The following BAALC variants were observed in gnomAD, a reference collection of about 807,000 sequenced individuals.
BAALC encodes the protein BAALC binder of MAP3K1 and KLF4.
A neutral mutation model predicts 15.5 loss-of-function variants in BAALC; 9 were observed. The observed-to-expected ratio is 0.58, with a 90% confidence interval of 0.35 to 1.02. The LOEUF (loss-of-function observed/expected upper bound fraction) is 1.02, where lower values mean the gene tolerates loss of function less well. Among genes scored for constraint, BAALC ranks in the 50% least tolerant of loss-of-function variants. BAALC has a pLI of 0.02. For missense variants in BAALC, 201 were observed against 192.4 expected, an observed-to-expected ratio of 1.04 and a Z score of -0.27; for synonymous variants, 80 against 74.6, an observed-to-expected ratio of 1.07 and a Z score of -0.37.
In BAALC at chr8:103,142,219, C is replaced by CT. The variant is rs1440577823; in HGVS notation, c.160+1163dup. Among the ~76,000 whole-genome samples, 8 of 152,376 alleles carry CT rather than the reference C, an allele frequency of 5.3e-5. No individual in the cohort carries two copies. In the East Asian group the frequency reaches 1.5e-3, roughly 29 times the overall value. The stretch of plus-strand genomic sequence containing the variant: ...TTAAATCCATGCCTACTAAATAGAG[C>CT]TGTCACTTTAATCAAGAATAGGTTT... On this transcript the variant is annotated intron_variant, in intron 1 of 2. Transcript: ENST00000309982.
rs150588955 is a variant in BAALC, at chr8:103,196,277, GTTGTTA to G, written c.161-16634_161-16629del. Among the ~76,000 whole-genome samples the G allele has an allele frequency of 8.6e-3, 1,304 of 152,096 alleles. 15 individuals carry two copies. The highest frequency in any genetic ancestry group is 0.03 in the African/African-American group (1,243 of 41,488). Reference sequence around the variant, plus strand: ...GATCACATTTGTAGTTTTTGTTTTTGTTGTTATTGTTATCGTTTTTTGAGACAGGGT... The same window carrying G: ...GATCACATTTGTAGTTTTTGTTTTTGTTGTTATCGTTTTTTGAGACAGGGT... On this transcript the variant is annotated intron_variant, in intron 1 of 2. Transcript: ENST00000309982.
At chr8:103,186,290 C>T (rs1291068261) in intron 1 of BAALC, among the ~76,000 whole-genome samples, 1 of 152,168 alleles carries the variant, frequency 6.6e-6, no homozygotes, top group East Asian at 1.9e-4. Context: ...CACAATCATC[C>T]TGCGAGGAGG....
chr8:103,195,825 C>G (rs1400287435), intron 1 of BAALC, among the ~76,000 whole-genome samples: 1 of 152,190 alleles, frequency 6.6e-6, no homozygotes, highest in African/African-American at 2.4e-5. Flanking sequence ...AAGACTCTTT[C>G]AACAAATATT....
intron 1 of BAALC, among the ~76,000 whole-genome samples, chr8:103,174,177 C>T (rs1811557696): frequency 6.6e-6 from 1 of 151,844 alleles, no homozygotes; most frequent in Non-Finnish European, 1.5e-5. Flanking sequence ...CTGCCGGCCT[C>T]CCCCATCAAG....
intron 1 of BAALC, among the ~76,000 whole-genome samples, chr8:103,195,043 G>A (rs1200854156): frequency 1.3e-5 from 2 of 152,110 alleles, no homozygotes; most frequent in East Asian, 1.9e-4. Context: ...TGAAAAGGAG[G>A]TGCATTTTTG....
chr8:103,219,339 C>T (rs1045203098), intron 2 of BAALC: 5 of 152,286 alleles, frequency 3.3e-5, no homozygotes, highest in Admixed American at 2.6e-4. Context: ...TGTTGATTAA[C>T]TGAGACAGCC....
At chr8:103,148,307 G>A (rs1312096409) in intron 1 of BAALC, among the ~76,000 whole-genome samples, 2 of 152,196 alleles carry the variant, frequency 1.3e-5, no homozygotes, top group Non-Finnish European at 2.9e-5. Context: ...GAAAACCACT[G>A]GAAGCTCAGA....
chr8:103,223,099 T>C (rs1187612758), intron 2 of BAALC, among the ~76,000 whole-genome samples: 2 of 152,126 alleles, frequency 1.3e-5, no homozygotes, highest in African/African-American at 4.8e-5. Flanking sequence ...GACCACAAGG[T>C]CAGGAGTTCG....
chr8:103,179,980 C>T (rs539513109), intron 1 of BAALC, among the ~76,000 whole-genome samples: 4 of 152,228 alleles, frequency 2.6e-5, no homozygotes, highest in South Asian at 2.1e-4. Flanking sequence ...TTGTTCCTGG[C>T]GCAGAGGGAA....
chr8:103,141,157 G>A, intron 1 of BAALC, 100 bp downstream of exon 1: 3 of 1,301,566 alleles, frequency 2.3e-6, no homozygotes, highest in Non-Finnish European at 3.0e-6. Flanking sequence ...AATTGATGGC[G>A]CGGCGGGGGT....
intron 1 of BAALC, among the ~76,000 whole-genome samples, chr8:103,198,374 C>G (rs1203489845): frequency 6.6e-6 from 1 of 152,078 alleles, no homozygotes; most frequent in African/African-American, 2.4e-5. Flanking sequence ...TGTGACATGG[C>G]TCTATTTCTT....
chr8:103,176,377 C>T (rs1811606750), intron 1 of BAALC, among the ~76,000 whole-genome samples: 1 of 151,906 alleles, frequency 6.6e-6, no homozygotes, highest in Non-Finnish European at 1.5e-5. Flanking sequence ...AAATTCTTGC[C>T]CTCATGCTTA....
At chr8:103,147,407 T>A (rs895125457) in intron 1 of BAALC, among the ~76,000 whole-genome samples, 7 of 152,252 alleles carry the variant, frequency 4.6e-5, no homozygotes, top group Admixed American at 4.6e-4. Context: ...TTAAAGAGTG[T>A]AATTGGATTG....
intron 2 of BAALC, among the ~76,000 whole-genome samples, chr8:103,217,508 T>G (rs1446325563): frequency 1.3e-5 from 2 of 152,230 alleles, no homozygotes; most frequent in Non-Finnish European, 1.5e-5. Flanking sequence ...CTAAGCTTTG[T>G]GCATTTTCAG....
At chr8:103,205,270 TTTGGC>T (rs1426764642) in intron 1 of BAALC, among the ~76,000 whole-genome samples, 4 of 152,192 alleles carry the variant, frequency 2.6e-5, no homozygotes, top group African/African-American at 7.2e-5. Flanking sequence ...AGCAAGAAGC[TTTGGC>T]TTGGCAAGGA....
chr8:103,188,559 G>A (rs1811897426), intron 1 of BAALC, among the ~76,000 whole-genome samples: 1 of 152,178 alleles, frequency 6.6e-6, no homozygotes, highest in Non-Finnish European at 1.5e-5. Context: ...ATAAGAAAGG[G>A]TTGATAATTT....
At chr8:103,152,803 G>A (rs901247155) in intron 1 of BAALC, among the ~76,000 whole-genome samples, 3 of 152,288 alleles carry the variant, frequency 2.0e-5, no homozygotes, top group African/African-American at 4.8e-5. Context: ...GGAGGAGCTG[G>A]GCTCCTTTGG....
At chr8:103,200,242 C>T (rs1812184281) in intron 1 of BAALC, among the ~76,000 whole-genome samples, 1 of 152,178 alleles carries the variant, frequency 6.6e-6, no homozygotes, top group African/African-American at 2.4e-5. Flanking sequence ...CACTTATATA[C>T]TGTTGGTGGG....
intron 1 of BAALC, among the ~76,000 whole-genome samples, chr8:103,146,956 A>G (rs539171179): frequency 1.3e-5 from 2 of 152,266 alleles, no homozygotes; most frequent in East Asian, 3.9e-4. Context: ...CTGCATTGCC[A>G]GGGCTTGGTC....
Sources: gnomAD v4.1 joint callset for allele counts (sites outside exome capture counted in the v4.1 genomes callset) on GRCh38, gnomAD v4.1.1 for gene constraint, MANE v1.5 for transcripts, NCBI Gene and HGNC (gene_info 2026-07-23, HGNC 2026-07-21) for gene names.